The following ISLR variants were observed in gnomAD, a reference collection of about 807,000 sequenced individuals.
The protein encoded by ISLR is immunoglobulin superfamily containing leucine rich repeat, also known as immunoglobulin superfamily containing leucine-rich repeat protein.
In ISLR, 9 loss-of-function variants were observed where a neutral mutation model predicts 11.0. The observed-to-expected ratio is 0.82, with a 90% CI of 0.49 to 1.43. The LOEUF (loss-of-function observed/expected upper bound fraction) is 1.43, where lower values mean the gene tolerates loss of function less well. Ranked by LOEUF, ISLR falls within the 40% of genes most tolerant of loss-of-function variation. The probability of loss-of-function intolerance (pLI) is 0.00; values close to 1 mark genes in which losing one functional copy is unlikely to be tolerated. For missense variants in ISLR, 510 were observed against 576.4 expected, an observed-to-expected ratio of 0.88 and a Z score of 1.18; for synonymous variants, 262 against 264.1, an observed-to-expected ratio of 0.99 and a Z score of 0.08.
chr15:74,175,760 AGCCGCGCTTCCAG>A lies in ISLR; in HGVS notation c.906_918del (p.Arg303LeufsTer166), dbSNP rs774105506. 11 of 1,614,058 alleles carry A rather than the reference AGCCGCGCTTCCAG, an allele frequency of 6.8e-6. No homozygotes were observed. The South Asian group carries it at 9.9e-5, about 15-fold the overall frequency. On this transcript the variant is annotated frameshift_variant, in exon 2 of 2. Transcript: ENST00000249842. LOFTEE classifies it high-confidence loss of function. The surrounding 1 kb of genome is among the most constrained non-coding windows in gnomAD (Gnocchi z 4.7). ...CCTGGCACCCCTGTGGCCAGCTCCC[AGCCGCGCTTCCAG>A]GCCTTTGCCAATGGCAGCCTGCTTA...
Position 74,175,955 on chromosome 15 carries a change from G to A in ISLR, c.1097G>A (p.Gly366Glu). The change falls in exon 2 of 2, where the codon GGA (glycine) becomes GAA (glutamate). Residue 366 changes from glycine (G) to glutamate (E), a missense_variant. By Grantham distance (98) the Gly-to-Glu change is moderately conservative (BLOSUM62 -2). Transcript: ENST00000249842. The surrounding 1 kb of genome is among the most constrained non-coding windows in gnomAD (Gnocchi z 4.7). ...GRRFHGKAVE[G>E]KGCYTVDNEV... ...AGGTTCCATGGCAAAGCGGTTGAGG[G>A]AAAGGGCTGCTATACGGTTGACAAC... is the stretch of plus-strand genomic sequence containing the variant. The A allele has an allele frequency of 2.5e-6, 4 of 1,611,032 alleles. No homozygotes were observed. In the East Asian group the frequency reaches 8.9e-5, roughly 36 times the overall value.
Position 74,174,941 on chromosome 15 carries a change from A to C in ISLR, c.83A>C (p.Lys28Thr). ...CCTGAGCCCTGCGACTGTGGGGAAAAGTATGGCTTCCAGATCGCCGACTGT... is the reference window on the plus strand; with the variant it reads ...CCTGAGCCCTGCGACTGTGGGGAAACGTATGGCTTCCAGATCGCCGACTGT... ...ACPEPCDCGE[K>T]YGFQIADCAY... Residue 28 changes from lysine to threonine, a missense_variant, in exon 2 of 2, where the codon AAG (lysine) becomes ACG (threonine). Lys to Thr is a moderately conservative substitution (Grantham distance 78). Transcript: ENST00000249842. The C allele has an allele frequency of 6.2e-7, 1 of 1,608,910 alleles. No homozygotes were observed. The highest frequency in any genetic ancestry group is 8.5e-7 in the Non-Finnish European group (1 of 1,177,970).
chr15:74,174,983 A>T lies in ISLR; in HGVS notation c.125A>T (p.Glu42Val), dbSNP rs1286539781. The T allele has an allele frequency of 6.2e-7, 1 of 1,612,928 alleles. No individual in the cohort carries two copies. The highest frequency in any genetic ancestry group is 8.5e-7 in the Non-Finnish European group (1 of 1,179,758). Residue 42 changes from glutamate to valine, a missense_variant, in exon 2 of 2, where the codon GAA becomes GTA. Transcript: ENST00000249842. ...QIADCAYRDL[E>V]SVPPGFPANV... Reference sequence around the variant, plus strand: ...GCCGACTGTGCCTACCGCGACCTAGAATCCGTGCCGCCTGGCTTCCCGGCC... The same window carrying T: ...GCCGACTGTGCCTACCGCGACCTAGTATCCGTGCCGCCTGGCTTCCCGGCC...
Position 74,175,569 on chromosome 15 carries a change from C to T in ISLR, c.711C>T (p.Ser237=). 1 of 1,612,700 alleles carries T rather than the reference C, an allele frequency of 6.2e-7. No homozygotes were observed. Among genetic ancestry groups the T allele is most frequent in the Non-Finnish European group, 8.5e-7 (1 of 1,179,400 alleles). ...LPCSAPSVQL[S]YQPSQDGAEL... The stretch of plus-strand genomic sequence containing the variant: ...GCTCGGCGCCCTCAGTGCAGCTCAG[C>T]TACCAACCCAGCCAGGATGGTGCCG... Residue 237 remains serine (S), a synonymous_variant, in exon 2 of 2, where the codon AGC becomes AGT. Transcript: ENST00000249842. This position sits in a 1 kb window ranked among gnomAD's most constrained non-coding sequence, Gnocchi z 4.7.
Position 74,174,976 on chromosome 15 carries a change from G to C in ISLR, c.118G>C (p.Asp40His), listed in dbSNP as rs369776003. The stretch of plus-strand genomic sequence containing the variant: ...CCAGATCGCCGACTGTGCCTACCGC[G>C]ACCTAGAATCCGTGCCGCCTGGCTT... The part of the protein sequence containing the change: ...GFQIADCAYR[D>H]LESVPPGFPA... The change falls in exon 2 of 2, where the codon GAC (aspartate) becomes CAC (histidine). Residue 40 changes from aspartate (D) to histidine (H), a missense_variant. Physicochemically the swap from Asp to His is moderately conservative, Grantham distance 81 (BLOSUM62 -1). Transcript: ENST00000249842. The C allele has an allele frequency of 6.2e-7, 1 of 1,613,288 alleles. No homozygotes were observed.
At position 74,176,368 on chromosome 15, in the gene ISLR, T is replaced by C. The variant is rs770499466; in HGVS notation, c.*223T>C. On this transcript the variant is annotated 3_prime_UTR_variant, in exon 2 of 2. Coordinates refer to ENST00000249842, the MANE Select transcript of ISLR (RefSeq NM_005545.4). ...TGATCCCCTAACTCACTGTCTGCGG[T>C]GCTCATTGCTGCTAACAGCATTGCC... The C allele has an allele frequency of 6.2e-6, 3 of 487,596 alleles. No individual in the cohort carries two copies. The highest frequency in any genetic ancestry group is 1.1e-5 in the Non-Finnish European group (3 of 271,302). The allele number at this position is 487,596 out of a possible 1,614,324, so 30.2% of individuals were successfully genotyped here. A position where few individuals can be genotyped will look rare whatever the true frequency, so the allele number is the denominator to read the frequency against.
In ISLR at chr15:74,176,098, C is replaced by T. The variant is rs373296187; in HGVS notation, c.1240C>T (p.Leu414=). The change falls in exon 2 of 2, where the codon CTG becomes TTG. Residue 414 remains leucine, a synonymous_variant. Transcript: ENST00000249842. ...VPGQLPPGLL[L]LGQSLLLFFF... ...TGGGCAGCTGCCCCCAGGCCTGCTC[C>T]TGCTGGGCCAAAGCCTCCTCCTCTT... 1.5e-4 allele frequency: 244 copies of T among 1,585,702 alleles called. No homozygotes were observed. Among genetic ancestry groups the T allele is most frequent in the Non-Finnish European group, 1.9e-4 (223 of 1,165,654 alleles).
chr15:74,175,726 C>T lies in ISLR; in HGVS notation c.868C>T (p.Arg290Cys), dbSNP rs2072787670. 9.9e-6 allele frequency: 16 copies of T among 1,613,850 alleles called. No homozygotes were observed. Among genetic ancestry groups the T allele is most frequent in the South Asian group, 2.2e-5 (2 of 91,030 alleles). ...ITSPNVGTDG[R>C]ALPGTPVASS... ...CAGCCCCAACGTGGGCACTGATGGGCGTGCCCTGCCTGGCACCCCTGTGGC... is the reference window on the plus strand; with the variant it reads ...CAGCCCCAACGTGGGCACTGATGGGTGTGCCCTGCCTGGCACCCCTGTGGC... Residue 290 changes from arginine to cysteine, a missense_variant, in exon 2 of 2, where the codon CGT becomes TGT. By Grantham distance (180) the Arg-to-Cys change is radical. Transcript: ENST00000249842. This position sits in a 1 kb window ranked among gnomAD's most constrained non-coding sequence, Gnocchi z 4.7.
intron 1 of ISLR, 114 bp from the exon 2 acceptor site, chr15:74,174,737 G>C: frequency 5.3e-6 from 4 of 756,728 alleles, no homozygotes; most frequent in Non-Finnish European, 8.1e-6. Flanking sequence ...GATTTAGCTG[G>C]GTTATGTGGG....
At position 74,175,625 on chromosome 15, in the gene ISLR, A is replaced by G; in HGVS notation, c.767A>G (p.His256Arg). 1 of 1,614,024 alleles carries G rather than the reference A, an allele frequency of 6.2e-7. No individual in the cohort carries two copies. The highest frequency in any genetic ancestry group is 1.1e-5 in the South Asian group (1 of 91,078). Reference sequence around the variant, plus strand: ...CGGCCTGGTTTTGTGCTGGCACTGCACTGTGATGTGGACGGGCAGCCGGCC... The same window carrying G: ...CGGCCTGGTTTTGTGCTGGCACTGCGCTGTGATGTGGACGGGCAGCCGGCC... ...ELRPGFVLAL[H>R]CDVDGQPAPQ... The change falls in exon 2 of 2, where the codon CAC (histidine) becomes CGC (arginine). Residue 256 changes from histidine (H) to arginine (R), a missense_variant. His to Arg is a conservative substitution (Grantham distance 29). Transcript: ENST00000249842. The surrounding 1 kb of genome is among the most constrained non-coding windows in gnomAD (Gnocchi z 4.7).
chr15:74,174,345 C>T (rs56131065), intron 1 of ISLR: 2,345 of 154,810 alleles, frequency 0.015, 67 homozygotes, highest in African/African-American at 0.054. Flanking sequence ...GTGTCTGCTG[C>T]GGTCATGGCC....
At position 74,174,932 on chromosome 15, in the gene ISLR, G is replaced by A. The variant is rs770382715; in HGVS notation, c.74G>A (p.Cys25Tyr). 1.2e-6 allele frequency: 2 copies of A among 1,606,030 alleles called. No homozygotes were observed. The highest frequency in any genetic ancestry group is 3.3e-4 in the Middle Eastern group (2 of 5,988). Residue 25 changes from cysteine (C) to tyrosine (Y), a missense_variant, in exon 2 of 2, where the codon TGT (cysteine) becomes TAT (tyrosine). Coordinates refer to ENST00000249842, the MANE Select transcript of ISLR (RefSeq NM_005545.4). Reference sequence around the variant, plus strand: ...CAGGCCTGCCCTGAGCCCTGCGACTGTGGGGAAAAGTATGGCTTCCAGATC... The same window carrying A: ...CAGGCCTGCCCTGAGCCCTGCGACTATGGGGAAAAGTATGGCTTCCAGATC... ...LAQACPEPCD[C>Y]GEKYGFQIAD...
In ISLR at chr15:74,175,466, C is replaced by A; in HGVS notation, c.608C>A (p.Pro203Gln). ...GCCCTGACCACGGCCGTGTCCATCC[C>A]GGAGCAGGACAACATCGCCTGCACC... ...TWALTTAVSI[P>Q]EQDNIACTSP... Residue 203 changes from proline (P) to glutamine (Q), a missense_variant, in exon 2 of 2, where the codon CCG (proline) becomes CAG (glutamine). Pro to Gln is a moderately conservative substitution (Grantham distance 76). Coordinates refer to ENST00000249842, the MANE Select transcript of ISLR (RefSeq NM_005545.4). The surrounding 1 kb of genome is among the most constrained non-coding windows in gnomAD (Gnocchi z 4.7). The A allele has an allele frequency of 6.2e-7, 1 of 1,610,972 alleles. No individual in the cohort carries two copies. The highest frequency in any genetic ancestry group is 8.5e-7 in the Non-Finnish European group (1 of 1,179,960).
Position 74,175,207 on chromosome 15 carries a change from G to A in ISLR, c.349G>A (p.Asp117Asn), listed in dbSNP as rs758302205. The change falls in exon 2 of 2, where the codon GAC becomes AAC. Residue 117 changes from aspartate (D) to asparagine (N), a missense_variant. Asp to Asn is a conservative substitution (Grantham distance 23). Transcript: ENST00000249842. The surrounding 1 kb of genome is among the most constrained non-coding windows in gnomAD (Gnocchi z 4.7). ...HNLISDFAWS[D>N]LHNLSALQLL... ...TCTCATCTCTGACTTTGCCTGGAGC[G>A]ACCTGCACAACCTCAGTGCCCTCCA... 14 of 1,613,370 alleles carry A rather than the reference G, an allele frequency of 8.7e-6. No homozygotes were observed. Among genetic ancestry groups the A allele is most frequent in the South Asian group, 2.2e-5 (2 of 91,076 alleles).
rs2072772898 is a variant in ISLR, at chr15:74,174,872, A to G, written c.14A>G (p.His5Arg). The change falls in exon 2 of 2, where the codon CAT (histidine) becomes CGT (arginine). Residue 5 changes from histidine to arginine, a missense_variant. Physicochemically the swap from His to Arg is conservative, Grantham distance 29. Coordinates refer to ENST00000249842, the MANE Select transcript of ISLR (RefSeq NM_005545.4). MQEL[H>R]LLWWALLLGL... Reference sequence around the variant, plus strand: ...GCAGGAGGCACCATGCAGGAGCTGCATCTGCTCTGGTGGGCGCTTCTCCTG... The same window carrying G: ...GCAGGAGGCACCATGCAGGAGCTGCGTCTGCTCTGGTGGGCGCTTCTCCTG... 2 of 1,527,922 alleles carry G rather than the reference A, an allele frequency of 1.3e-6. No individual in the cohort carries two copies. The highest frequency in any genetic ancestry group is 1.8e-6 in the Non-Finnish European group (2 of 1,141,876). 94.6% of individuals were successfully genotyped at this position (1,527,922 alleles called of 1,614,324 possible).
Position 74,176,428 on chromosome 15 carries a change from G to A in ISLR, c.*283G>A, listed in dbSNP as rs2072796570. 2 of 399,612 alleles carry A rather than the reference G, an allele frequency of 5.0e-6. No homozygotes were observed. Among genetic ancestry groups the A allele is most frequent in the South Asian group, 1.0e-4 (1 of 9,626 alleles). 24.8% of individuals were successfully genotyped at this position (399,612 alleles called of 1,614,324 possible). A position where few individuals can be genotyped will look rare whatever the true frequency, so the allele number is the denominator to read the frequency against. On this transcript the variant is annotated 3_prime_UTR_variant, in exon 2 of 2. Coordinates refer to ENST00000249842, the MANE Select transcript of ISLR (RefSeq NM_005545.4). ...CTCTCAGGGGCAGCATGCTAACGGG[G>A]CGACGTCCTAATCCAACTGGGAGAA... is the stretch of plus-strand genomic sequence containing the variant.
In ISLR at chr15:74,176,456, C is replaced by G; in HGVS notation, c.*311C>G. The G allele has an allele frequency of 2.9e-6, 1 of 347,562 alleles. No individual in the cohort carries two copies. The highest frequency in any genetic ancestry group is 5.5e-6 in the Non-Finnish European group (1 of 182,466). The allele number at this position is 347,562 out of a possible 1,614,324, so 21.5% of individuals were successfully genotyped here. A position where few individuals can be genotyped will look rare whatever the true frequency, so the allele number is the denominator to read the frequency against. On this transcript the variant is annotated 3_prime_UTR_variant, in exon 2 of 2. Coordinates refer to ENST00000249842, the MANE Select transcript of ISLR (RefSeq NM_005545.4). The stretch of plus-strand genomic sequence containing the variant: ...ACGTCCTAATCCAACTGGGAGAAGC[C>G]TCAGTGGTGGAATTCCAGGCACTGT...
Position 74,175,609 on chromosome 15 carries a change from T to G in ISLR, c.751T>G (p.Phe251Val). The change falls in exon 2 of 2, where the codon TTT becomes GTT. Residue 251 changes from phenylalanine (F) to valine (V), a missense_variant. Coordinates refer to ENST00000249842, the MANE Select transcript of ISLR (RefSeq NM_005545.4). This position sits in a 1 kb window ranked among gnomAD's most constrained non-coding sequence, Gnocchi z 4.7. ...GGATGGTGCCGAGCTGCGGCCTGGT[T>G]TTGTGCTGGCACTGCACTGTGATGT... ...SQDGAELRPG[F>V]VLALHCDVDG... is the part of the protein sequence containing the mutation. 1.2e-6 allele frequency: 2 copies of G among 1,613,916 alleles called. No homozygotes were observed. The highest frequency in any genetic ancestry group is 1.7e-6 in the Non-Finnish European group (2 of 1,179,956).
Position 74,175,927 on chromosome 15 carries a change from C to A in ISLR, c.1069C>A (p.Arg357Ser), listed in dbSNP as rs144146312. Reference sequence around the variant, plus strand: ...TGAGGGTGGTGAGGACACACTGGGGCGCAGGTTCCATGGCAAAGCGGTTGA... The same window carrying A: ...TGAGGGTGGTGAGGACACACTGGGGAGCAGGTTCCATGGCAAAGCGGTTGA... ...PGEGGEDTLGRRFHGKAVEGK... is the reference protein window; with the variant it reads ...PGEGGEDTLGSRFHGKAVEGK... The change falls in exon 2 of 2, where the codon CGC becomes AGC. Residue 357 changes from arginine to serine, a missense_variant. By Grantham distance (110) the Arg-to-Ser change is moderately radical (BLOSUM62 -1). Coordinates refer to ENST00000249842, the MANE Select transcript of ISLR (RefSeq NM_005545.4). This position sits in a 1 kb window ranked among gnomAD's most constrained non-coding sequence, Gnocchi z 4.7. 1.9e-6 allele frequency: 3 copies of A among 1,611,108 alleles called. No homozygotes were observed. Among genetic ancestry groups the A allele is most frequent in the East Asian group, 2.2e-5 (1 of 44,780 alleles).
Sources: gnomAD v4.1 joint callset for allele counts on GRCh38, gnomAD v4.1.1 for gene constraint, Gnocchi (gnomAD v3.1) non-coding constraint, MANE v1.5 for transcripts, NCBI Gene and HGNC (gene_info 2026-07-23, HGNC 2026-07-21) for gene names.